The following INPP4B variants were observed in gnomAD, a reference collection of about 807,000 sequenced individuals.
INPP4B encodes the protein inositol polyphosphate 4-phosphatase type II.
INPP4B carries 55 observed loss-of-function variants against 122.5 expected under a neutral mutation model. The observed-to-expected ratio is 0.45, with a 90% CI of 0.36 to 0.56. The LOEUF (loss-of-function observed/expected upper bound fraction) is 0.56. Among genes scored for constraint, INPP4B ranks in the 20% least tolerant of loss-of-function variants. The pLI is 0.00. For missense variants in INPP4B, 1,000 were observed against 1,097.7 expected (o/e 0.91, Z 1.26); for synonymous variants, 403 against 388.7 (o/e 1.04, Z -0.43).
chr4:142,177,700 C>A (rs745698342), intron 15 of INPP4B, among the ~76,000 whole-genome samples: 1 of 151,962 alleles, frequency 6.6e-6, no homozygotes, highest in Non-Finnish European at 1.5e-5. Context: ...AGAATGCACA[C>A]CTACATCCCC....
chr4:142,699,799 T>A (rs1055784623), intron 2 of INPP4B, among the ~76,000 whole-genome samples: 1 of 152,186 alleles, frequency 6.6e-6, no homozygotes, highest in Non-Finnish European at 1.5e-5. Context: ...CAACCTCATC[T>A]GCACTTGTAT....
At chr4:142,306,406 T>C (rs1370294044) in intron 8 of INPP4B, among the ~76,000 whole-genome samples, 2 of 152,166 alleles carry the variant, frequency 1.3e-5, no homozygotes, top group Non-Finnish European at 1.5e-5. Flanking sequence ...TGTTATTTCT[T>C]ATGCCACTGC....
At chr4:142,121,715 T>A (rs1451250665) in intron 21 of INPP4B, among the ~76,000 whole-genome samples, 1 of 152,116 alleles carries the variant, frequency 6.6e-6, no homozygotes, top group African/African-American at 2.4e-5. Flanking sequence ...CAGAAATATA[T>A]CTTTTCTAAA....
intron 23 of INPP4B, chr4:142,096,270 G>T (rs1781746480): frequency 6.6e-6 from 1 of 152,140 alleles, no homozygotes; most frequent in Non-Finnish European, 1.5e-5. Context: ...ATGTAAGGAT[G>T]ATTGAAAGGC....
intron 7 of INPP4B, among the ~76,000 whole-genome samples, chr4:142,390,358 A>G (rs1000048140): frequency 1.3e-5 from 2 of 152,198 alleles, no homozygotes; most frequent in African/African-American, 4.8e-5. Flanking sequence ...TCCCTCTATC[A>G]ATGAGTAAAG....
At chr4:142,714,426 T>C (rs907038679) in intron 2 of INPP4B, among the ~76,000 whole-genome samples, 2 of 152,180 alleles carry the variant, frequency 1.3e-5, no homozygotes, top group African/African-American at 4.8e-5. Flanking sequence ...GCTTGAAAAT[T>C]GAAGTGTTTG....
chr4:142,457,784 CAG>C (rs1815783753), intron 3 of INPP4B, among the ~76,000 whole-genome samples: 1 of 152,090 alleles, frequency 6.6e-6, no homozygotes, highest in Non-Finnish European at 1.5e-5. Flanking sequence ...TTTTTAAAGA[CAG>C]TGTTTCACTC....
chr4:142,388,064 C>G (rs994247478), intron 7 of INPP4B, among the ~76,000 whole-genome samples: 3 of 152,204 alleles, frequency 2.0e-5, no homozygotes, highest in African/African-American at 7.2e-5. Context: ...TCCAAGTTCT[C>G]TTCTTAAATC....
Position 142,185,398 on chromosome 4 carries a change from GTATA to G in INPP4B, c.1181+7685_1181+7688del, listed in dbSNP as rs386401711. On this transcript the variant is annotated intron_variant, in intron 15 of 25. Transcript: ENST00000262992. ...TAAATATATATGTGTATGTGTGTGT[GTATA>G]TATATATATATATATATCTCATCAG... 3.1e-3 allele frequency among the ~76,000 whole-genome samples: 460 copies of G among 147,164 alleles called. 2 individuals carry two copies. Among genetic ancestry groups the G allele is most frequent in the African/African-American group, 0.01 (421 of 40,398 alleles).
At chr4:142,321,120 C>G (rs77247257) in intron 7 of INPP4B, among the ~76,000 whole-genome samples, 2,927 of 152,218 alleles carry the variant, frequency 0.019, 86 homozygotes, top group African/African-American at 0.066. Flanking sequence ...CACATCCACA[C>G]CAACATCTAT....
intron 3 of INPP4B, among the ~76,000 whole-genome samples, chr4:142,434,061 A>T (rs1212067054): frequency 6.6e-6 from 1 of 152,238 alleles, no homozygotes; most frequent in Non-Finnish European, 1.5e-5. Context: ...CAACTTATTT[A>T]CAATAGTCTT....
chr4:142,299,099 T>G (rs1445685606), intron 9 of INPP4B, among the ~76,000 whole-genome samples: 1 of 152,052 alleles, frequency 6.6e-6, no homozygotes, highest in African/African-American at 2.4e-5. Flanking sequence ...CTCATTAGTG[T>G]GCATTTGCTG....
At chr4:142,245,188 A>G (rs199943541) in intron 11 of INPP4B, among the ~76,000 whole-genome samples, 2 of 152,044 alleles carry the variant, frequency 1.3e-5, no homozygotes, top group African/African-American at 2.4e-5. Flanking sequence ...CACTCTGATG[A>G]TAGTTTCTTT....
intron 3 of INPP4B, among the ~76,000 whole-genome samples, chr4:142,461,959 C>T (rs1467801618): frequency 6.6e-6 from 1 of 152,122 alleles, no homozygotes; most frequent in African/African-American, 2.4e-5. Flanking sequence ...ATATTAAGGA[C>T]CTATGGGGCT....
chr4:142,667,073 G>A (rs115440950), intron 2 of INPP4B, among the ~76,000 whole-genome samples: 1 of 152,128 alleles, frequency 6.6e-6, no homozygotes, highest in Non-Finnish European at 1.5e-5. Context: ...AGCCTAAATT[G>A]TGGGGCAATG....
intron 2 of INPP4B, among the ~76,000 whole-genome samples, chr4:142,526,678 C>A (rs1305495121): frequency 6.6e-6 from 1 of 152,034 alleles, no homozygotes; most frequent in African/African-American, 2.4e-5. Context: ...AATCAATCTT[C>A]AGAGGTTTGA....
intron 11 of INPP4B, among the ~76,000 whole-genome samples, chr4:142,241,540 A>G (rs76946575): frequency 0.034 from 5,233 of 152,240 alleles, 289 homozygotes; most frequent in African/African-American, 0.12. Flanking sequence ...ACAAGGTAGC[A>G]TGTCACCTGC....
chr4:142,090,528 T>G (rs1476241683), intron 23 of INPP4B, among the ~76,000 whole-genome samples: 1 of 152,126 alleles, frequency 6.6e-6, no homozygotes, highest in Non-Finnish European at 1.5e-5. Flanking sequence ...TAGATCCTGA[T>G]GTATCAACTG....
chr4:142,170,426 A>G (rs1825048705), intron 16 of INPP4B, among the ~76,000 whole-genome samples: 1 of 151,664 alleles, frequency 6.6e-6, no homozygotes, highest in South Asian at 2.1e-4. Context: ...TTGTTTCCGT[A>G]GTCCTATGTA....
Sources: gnomAD v4.1 joint callset for allele counts (sites outside exome capture counted in the v4.1 genomes callset) on GRCh38, gnomAD v4.1.1 for gene constraint, MANE v1.5 for transcripts, NCBI Gene and HGNC (gene_info 2026-07-23, HGNC 2026-07-21) for gene names.